PAN3: variants seen among roughly 807,000 people sequenced by gnomAD.
PAN3 encodes the protein poly(A) specific ribonuclease subunit PAN3, also known as PAN2-PAN3 deadenylation complex subunit PAN3.
In PAN3, 19 loss-of-function variants were observed where a neutral mutation model predicts 96.2. That is an observed-to-expected ratio of 0.20 (90% CI 0.14 to 0.29). The LOEUF (loss-of-function observed/expected upper bound fraction) is 0.29, where lower values mean the gene tolerates loss of function less well. PAN3 is among the 10% of genes least tolerant of loss of function. The pLI is 1.00. For synonymous variants in PAN3, 433 were observed against 406.6 expected (o/e 1.06, Z -0.78); for missense variants, 882 against 1,108.1 (o/e 0.80, Z 2.90).
intron 17 of PAN3, among the ~76,000 whole-genome samples, chr13:28,283,262 T>C (rs910727319): frequency 3.9e-5 from 6 of 152,212 alleles, no homozygotes; most frequent in African/African-American, 1.4e-4. Flanking sequence ...TTGTCCAAGC[T>C]GGTCTCGAAC....
At chr13:28,244,177 G>A (rs756553716) in intron 6 of PAN3, among the ~76,000 whole-genome samples, 8 of 152,108 alleles carry the variant, frequency 5.3e-5, no homozygotes, top group Non-Finnish European at 8.8e-5. Context: ...AAGCAGACTA[G>A]CCCTTTATTA....
At chr13:28,209,807 T>TCCTTTCTCCTTTTA (rs1289135585) in intron 5 of PAN3, among the ~76,000 whole-genome samples, 1 of 152,094 alleles carries the variant, frequency 6.6e-6, no homozygotes, top group African/African-American at 2.4e-5. Flanking sequence ...CTTCCCTTTT[T>TCCTTTCTCCTTTTA]CCTTTCTCCT....
Position 28,256,556 on chromosome 13 carries a change from G to A in PAN3, c.1248+17G>A, listed in dbSNP as rs758492068. 1 of 1,600,514 alleles carries A rather than the reference G, an allele frequency of 6.2e-7. No homozygotes were observed. Among genetic ancestry groups the A allele is most frequent in the South Asian group, 1.1e-5 (1 of 88,902 alleles). On this transcript the variant is annotated intron_variant, in intron 7 of 18. Coordinates refer to ENST00000380958, the MANE Select transcript of PAN3 (RefSeq NM_175854.8). Reference sequence around the variant, plus strand: ...ACTGGAATGGTATGTCTACATTAAAGAGGAAATTTTAGTACTCTCTTGTAA... The same window carrying A: ...ACTGGAATGGTATGTCTACATTAAAAAGGAAATTTTAGTACTCTCTTGTAA...
chr13:28,217,531 A>G lies in PAN3; in HGVS notation c.853-2700A>G, dbSNP rs1880931588. The stretch of plus-strand genomic sequence containing the variant: ...TGCGAGGCGGAAGTTGCAGTGAGTG[A>G]AGGTTGTGCCACTGCACTCCAGCCT... On this transcript the variant is annotated intron_variant, in intron 5 of 18. Coordinates refer to ENST00000380958, the MANE Select transcript of PAN3 (RefSeq NM_175854.8). Among the ~76,000 whole-genome samples, 3 of 152,074 alleles carry G rather than the reference A, an allele frequency of 2.0e-5. No homozygotes were observed. The South Asian group carries it at 6.2e-4, about 32-fold the overall frequency.
At chr13:28,169,820 G>A (rs1435596791) in intron 1 of PAN3, among the ~76,000 whole-genome samples, 3 of 151,804 alleles carry the variant, frequency 2.0e-5, no homozygotes, top group African/African-American at 7.3e-5. Flanking sequence ...AGGCTGAGGC[G>A]GGTGGATCAT....
Position 28,220,393 on chromosome 13 carries a change from T to C in PAN3, c.1000+15T>C, listed in dbSNP as rs1440107824. The C allele has an allele frequency of 6.2e-7, 1 of 1,612,324 alleles. No homozygotes were observed. Among genetic ancestry groups the C allele is most frequent in the Non-Finnish European group, 8.5e-7 (1 of 1,178,910 alleles). Reference sequence around the variant, plus strand: ...ATTAGCGCCAGGTAAGTTGAGTAACTATTTCCAGTGAGTTCCAGATACCAT... The same window carrying C: ...ATTAGCGCCAGGTAAGTTGAGTAACCATTTCCAGTGAGTTCCAGATACCAT... On this transcript the variant is annotated intron_variant, in intron 6 of 18. Coordinates refer to ENST00000380958, the MANE Select transcript of PAN3 (RefSeq NM_175854.8).
chr13:28,139,952 TG>T (rs1052130103), intron 1 of PAN3, among the ~76,000 whole-genome samples: 11 of 152,020 alleles, frequency 7.2e-5, no homozygotes, highest in Non-Finnish European at 8.8e-5. Context: ...TTGTTGTTGT[TG>T]TTGTTGTTGT....
At chr13:28,209,888 C>T (rs779525685) in intron 5 of PAN3, among the ~76,000 whole-genome samples, 6 of 152,004 alleles carry the variant, frequency 3.9e-5, no homozygotes, top group Non-Finnish European at 8.8e-5. Flanking sequence ...TCAAGTCATC[C>T]TCCTATTTCA....
At chr13:28,274,203 G>C (rs1384003389) in intron 14 of PAN3, among the ~76,000 whole-genome samples, 1 of 152,048 alleles carries the variant, frequency 6.6e-6, no homozygotes, top group Non-Finnish European at 1.5e-5. Context: ...CTGTTCTTCT[G>C]CCTGAGGGCA....
In PAN3 at chr13:28,185,765, C is replaced by T. The variant is rs139210611; in HGVS notation, c.690+7830C>T. 2.3e-3 allele frequency among the ~76,000 whole-genome samples: 357 copies of T among 152,248 alleles called. 1 individual carries two copies. Among genetic ancestry groups the T allele is most frequent in the African/African-American group, 8.2e-3 (342 of 41,552 alleles). On this transcript the variant is annotated intron_variant, in intron 4 of 18. Coordinates refer to ENST00000380958, the MANE Select transcript of PAN3 (RefSeq NM_175854.8). ...GCTTTGAAGATTTTGAGTTCTTATA[C>T]ACAGTAATGGTAGTTTAAGTAAAAC...
intron 5 of PAN3, among the ~76,000 whole-genome samples, chr13:28,206,618 G>A (rs1003274238): frequency 6.6e-6 from 1 of 151,872 alleles, no homozygotes; most frequent in South Asian, 2.1e-4. Context: ...CACCACACGC[G>A]GCCCCTAACT....
rs544803691 is a variant in PAN3, at chr13:28,203,470, G to T, written c.852+6124G>T. On this transcript the variant is annotated intron_variant, in intron 5 of 18. Transcript: ENST00000380958. ...AGGTATGTGCAACTGTGCCCAGCTA[G>T]GTTTTCTTTGTATTTTTTTGTAGAG... Among the ~76,000 whole-genome samples the T allele has an allele frequency of 1.9e-3, 282 of 151,858 alleles. 2 individuals are homozygous for T. Among genetic ancestry groups the T allele is most frequent in the South Asian group, 0.013 (63 of 4,792 alleles).
At chr13:28,144,012 A>G (rs1870219169) in intron 1 of PAN3, among the ~76,000 whole-genome samples, 1 of 149,204 alleles carries the variant, frequency 6.7e-6, no homozygotes, top group Admixed American at 6.6e-5. Context: ...TTGGAATAAT[A>G]TACTTAGTAT....
intron 5 of PAN3, among the ~76,000 whole-genome samples, chr13:28,208,528 A>ATT (rs1193196525): frequency 6.7e-6 from 1 of 149,636 alleles, no homozygotes; most frequent in African/African-American, 2.4e-5. Context: ...AGTGTTTCAG[A>ATT]TTTTTTTTTT....
intron 4 of PAN3, among the ~76,000 whole-genome samples, chr13:28,189,634 T>G (rs1245499054): frequency 1.3e-5 from 2 of 152,174 alleles, no homozygotes; most frequent in African/African-American, 4.8e-5. Flanking sequence ...CCTTTTCATT[T>G]TGAGGAGTGA....
intron 12 of PAN3, 61 bp downstream of exon 12, chr13:28,267,462 GT>G (rs1886277503): frequency 1.5e-6 from 2 of 1,339,372 alleles, no homozygotes; most frequent in South Asian, 2.5e-5. Flanking sequence ...TGGAAGAGTA[GT>G]TTTCTATTTT....
intron 4 of PAN3, among the ~76,000 whole-genome samples, chr13:28,192,908 T>C (rs977962957): frequency 2.6e-5 from 4 of 152,238 alleles, no homozygotes; most frequent in African/African-American, 9.6e-5. Flanking sequence ...TGTTTTACAT[T>C]GCTACCATCT....
intron 9 of PAN3, among the ~76,000 whole-genome samples, chr13:28,263,600 G>C (rs1044162497): frequency 1.7e-4 from 26 of 152,118 alleles, no homozygotes; most frequent in Non-Finnish European, 1.5e-5. Context: ...CAGAGTGCTG[G>C]GATTACAGGC....
chr13:28,150,067 G>A (rs1308855056), intron 1 of PAN3, among the ~76,000 whole-genome samples: 4 of 152,064 alleles, frequency 2.6e-5, no homozygotes, highest in African/African-American at 9.7e-5. Context: ...CTGTAATACT[G>A]ATGTTCCTGA....
Sources: gnomAD v4.1 joint callset for allele counts (sites outside exome capture counted in the v4.1 genomes callset) on GRCh38, gnomAD v4.1.1 for gene constraint, MANE v1.5 for transcripts, NCBI Gene and HGNC (gene_info 2026-07-23, HGNC 2026-07-21) for gene names.